The following SBF2 variants were observed in gnomAD, a reference collection of about 807,000 sequenced individuals.
SBF2 encodes myotubularin-related protein 13.
Under a neutral mutation model 225.2 loss-of-function variants are expected in SBF2, and 112 were observed. The ratio of observed to expected loss-of-function variants is 0.50; its 90% CI spans 0.43 to 0.58. SBF2 has a LOEUF of 0.58. SBF2 is among the 20% of genes least tolerant of loss of function. The pLI is 0.00. For missense variants in SBF2, 1,996 were observed against 2,206.2 expected (o/e 0.90, Z 1.91); for synonymous variants, 763 against 773.3 (o/e 0.99, Z 0.22).
At chr11:10,202,595 C>CT (rs1264004319) in intron 1 of SBF2, among the ~76,000 whole-genome samples, 1 of 152,134 alleles carries the variant, frequency 6.6e-6, no homozygotes, top group African/African-American at 2.4e-5. Flanking sequence ...ACCATCCTAG[C>CT]TAACACGGTG....
intron 1 of SBF2, among the ~76,000 whole-genome samples, chr11:10,227,771 T>C (rs1169746289): frequency 6.6e-6 from 1 of 152,174 alleles, no homozygotes; most frequent in Admixed American, 6.5e-5. Flanking sequence ...TCCAGCTTTG[T>C]TCTTTTGGCT....
chr11:9,792,867 C>A (rs147986348), intron 33 of SBF2, among the ~76,000 whole-genome samples: 1 of 151,634 alleles, frequency 6.6e-6, no homozygotes, highest in Non-Finnish European at 1.5e-5. Flanking sequence ...ATCCTCCCAC[C>A]GCAGCCTCCT....
chr11:10,133,222 C>T (rs1221637702), intron 2 of SBF2, among the ~76,000 whole-genome samples: 1 of 149,580 alleles, frequency 6.7e-6, no homozygotes, highest in Non-Finnish European at 1.5e-5. Flanking sequence ...CCATCAGACT[C>T]AGGAGCCCAG....
intron 16 of SBF2, chr11:9,958,796 G>T: frequency 1.9e-6 from 1 of 526,772 alleles, no homozygotes. Context: ...GCAGATGAGG[G>T]CTTCTGTCAC....
intron 1 of SBF2, among the ~76,000 whole-genome samples, chr11:10,268,356 C>A (rs7942109): frequency 6.6e-6 from 1 of 151,982 alleles, no homozygotes; most frequent in South Asian, 2.1e-4. Flanking sequence ...ACTATAAGGA[C>A]AGAATGTTTG....
At chr11:10,091,960 CAAGT>C (rs1951801943) in intron 2 of SBF2, among the ~76,000 whole-genome samples, 1 of 152,080 alleles carries the variant, frequency 6.6e-6, no homozygotes, top group Non-Finnish European at 1.5e-5. Context: ...TTGGATTAGT[CAAGT>C]AATAGTTTAG....
intron 1 of SBF2, among the ~76,000 whole-genome samples, chr11:10,210,338 A>C (rs1017387034): frequency 7.2e-5 from 11 of 151,844 alleles, no homozygotes; most frequent in African/African-American, 2.2e-4. Flanking sequence ...GAAAAGAAAG[A>C]AGAAGAGAAG....
chr11:10,293,916 CTCCCCGACGCCCG>C (rs555948090), intron 1 of SBF2, 86 bp downstream of exon 1: 8,330 of 791,842 alleles, frequency 0.011, 55 homozygotes, highest in African/African-American at 0.02. Flanking sequence ...CGGCCTGGCC[CTCCCCGACGCCCG>C]TCCCCGACGC....
In SBF2 at chr11:9,809,940, A is replaced by T. The variant is rs1162740834; in HGVS notation, c.4156-938T>A. On this transcript the variant is annotated intron_variant, in intron 30 of 39. Transcript: ENST00000256190. ...AAAAAGCGTTGAGTTGTGCACCTTT[A>T]TCATAAGGATAAATTTTATGGTAAG... Among the ~76,000 whole-genome samples, 7 of 152,308 alleles carry T rather than the reference A, an allele frequency of 4.6e-5. No individual in the cohort carries two copies. In the East Asian group the frequency reaches 1.3e-3, roughly 29 times the overall value.
intron 17 of SBF2, among the ~76,000 whole-genome samples, chr11:9,876,946 C>G (rs935930783): frequency 3.9e-5 from 6 of 152,174 alleles, no homozygotes; most frequent in Non-Finnish European, 8.8e-5. Flanking sequence ...ACCATGTTGG[C>G]CAGGCTGCTC....
intron 1 of SBF2, among the ~76,000 whole-genome samples, chr11:10,230,716 C>G (rs758898789): frequency 2.0e-5 from 3 of 152,260 alleles, no homozygotes; most frequent in East Asian, 3.9e-4. Flanking sequence ...GTGGGTAACC[C>G]GACCTTTCTC....
chr11:10,225,435 G>A (rs1465240426), intron 1 of SBF2, among the ~76,000 whole-genome samples: 1 of 151,524 alleles, frequency 6.6e-6, no homozygotes, highest in Non-Finnish European at 1.5e-5. Flanking sequence ...TCGTCTAAGT[G>A]GTATAACAAT....
At chr11:9,985,322 T>G (rs537128517) in intron 13 of SBF2, among the ~76,000 whole-genome samples, 11 of 152,218 alleles carry the variant, frequency 7.2e-5, no homozygotes, top group Non-Finnish European at 1.3e-4. Context: ...TAGTTGTTTT[T>G]TTTTGTTTTG....
intron 2 of SBF2, among the ~76,000 whole-genome samples, chr11:10,155,829 T>C (rs1955448362): frequency 6.6e-6 from 1 of 152,260 alleles, no homozygotes; most frequent in Admixed American, 6.5e-5. Context: ...ATACAACTTA[T>C]CAAGCTATCA....
At chr11:9,946,282 A>T (rs1865557458) in intron 16 of SBF2, among the ~76,000 whole-genome samples, 1 of 152,224 alleles carries the variant, frequency 6.6e-6, no homozygotes, top group Non-Finnish European at 1.5e-5. Context: ...CCTTTGTAAC[A>T]ACATGGATGG....
At chr11:9,824,383 C>T (rs1288918021) in intron 28 of SBF2, among the ~76,000 whole-genome samples, 1 of 151,612 alleles carries the variant, frequency 6.6e-6, no homozygotes, top group African/African-American at 2.4e-5. Flanking sequence ...GTGGTGAAAC[C>T]CCATCTCTAC....
At chr11:9,838,292 C>T (rs568408863) in intron 26 of SBF2, 5 of 151,802 alleles carry the variant, frequency 3.3e-5, no homozygotes, top group Admixed American at 6.6e-5. Context: ...ATCATAAATG[C>T]TTTATAACCA....
chr11:9,873,050 C>A (rs906734611), intron 17 of SBF2, among the ~76,000 whole-genome samples: 1 of 151,216 alleles, frequency 6.6e-6, no homozygotes, highest in Non-Finnish European at 1.5e-5. Flanking sequence ...ACCAAAAATA[C>A]AAAAAATTAG....
intron 2 of SBF2, among the ~76,000 whole-genome samples, chr11:10,178,008 G>A (rs1486683597): frequency 6.8e-6 from 1 of 147,376 alleles, no homozygotes; most frequent in East Asian, 2.2e-4. Flanking sequence ...TAGATCAATG[G>A]AACAGAACAG....
Sources: gnomAD v4.1 joint callset for allele counts (sites outside exome capture counted in the v4.1 genomes callset) on GRCh38, gnomAD v4.1.1 for gene constraint, MANE v1.5 for transcripts, NCBI Gene and HGNC (gene_info 2026-07-23, HGNC 2026-07-21) for gene names.